The following NRXN1 variants were observed in gnomAD, a reference collection of about 807,000 sequenced individuals.
The protein encoded by NRXN1 is neurexin 1.
NRXN1 carries 39 observed loss-of-function variants against 150.9 expected under a neutral mutation model. That is an observed-to-expected ratio of 0.26 (90% CI 0.20 to 0.34). The LOEUF is 0.34. NRXN1 is among the 10% of genes least tolerant of loss of function. The pLI is 1.00. For missense variants in NRXN1, 1,815 were observed against 1,949.9 expected (o/e 0.93, Z 1.30); for synonymous variants, 924 against 757.0 (o/e 1.22, Z -3.62).
At chr2:50,098,599 C>A (rs988013950) in intron 18 of NRXN1, among the ~76,000 whole-genome samples, 3 of 152,124 alleles carry the variant, frequency 2.0e-5, no homozygotes, top group Non-Finnish European at 4.4e-5. Context: ...TCCCAGCAGA[C>A]CTGAAAGGTA....
chr2:50,849,389 C>T (rs1293026307), intron 5 of NRXN1, among the ~76,000 whole-genome samples: 1 of 152,174 alleles, frequency 6.6e-6, no homozygotes, highest in Non-Finnish European at 1.5e-5. Context: ...TTCTCAAGGT[C>T]CTGGGAGCCA....
intron 18 of NRXN1, among the ~76,000 whole-genome samples, chr2:50,179,205 T>G (rs981740990): frequency 6.6e-6 from 1 of 152,132 alleles, no homozygotes; most frequent in Non-Finnish European, 1.5e-5. Flanking sequence ...CTGCTCCACA[T>G]TTCACTACAT....
intron 18 of NRXN1, among the ~76,000 whole-genome samples, chr2:50,118,888 A>T (rs1300069922): frequency 6.6e-6 from 1 of 152,112 alleles, no homozygotes; most frequent in Non-Finnish European, 1.5e-5. Flanking sequence ...ATTTTGTTGC[A>T]TGTAAGTTAG....
chr2:50,480,663 A>C (rs2090393059), intron 15 of NRXN1, among the ~76,000 whole-genome samples: 1 of 152,172 alleles, frequency 6.6e-6, no homozygotes, highest in Non-Finnish European at 1.5e-5. Context: ...GCCACCACTC[A>C]AAGACTCCTA....
intron 17 of NRXN1, among the ~76,000 whole-genome samples, chr2:50,404,737 A>G (rs74370356): frequency 0.017 from 2,522 of 152,222 alleles, 89 homozygotes; most frequent in African/African-American, 0.058. Flanking sequence ...GTTTCCAATC[A>G]CTAAAGTTGG....
At chr2:50,316,964 C>A (rs138625257) in intron 17 of NRXN1, among the ~76,000 whole-genome samples, 2 of 151,672 alleles carry the variant, frequency 1.3e-5, no homozygotes, top group African/African-American at 4.8e-5. Context: ...AATTACAATT[C>A]GAAAATACCA....
intron 17 of NRXN1, among the ~76,000 whole-genome samples, chr2:50,336,933 A>G (rs574044095): frequency 6.6e-6 from 1 of 152,282 alleles, no homozygotes; most frequent in Admixed American, 6.5e-5. Flanking sequence ...AAATTAGACA[A>G]AGTAAATCCA....
At chr2:50,509,735 C>T (rs2092378696) in intron 12 of NRXN1, among the ~76,000 whole-genome samples, 1 of 152,108 alleles carries the variant, frequency 6.6e-6, no homozygotes, top group Non-Finnish European at 1.5e-5. Flanking sequence ...TCAGGATTTC[C>T]TTTCCTTTGG....
chr2:50,238,175 T>C (rs1394485428), intron 17 of NRXN1, among the ~76,000 whole-genome samples: 1 of 152,058 alleles, frequency 6.6e-6, no homozygotes, highest in Non-Finnish European at 1.5e-5. Flanking sequence ...CTTACCTCAA[T>C]GCATCATTCA....
intron 5 of NRXN1, among the ~76,000 whole-genome samples, chr2:50,662,004 G>A (rs570673755): frequency 1.1e-4 from 17 of 152,098 alleles, no homozygotes; most frequent in African/African-American, 3.9e-4. Flanking sequence ...ACTCCCTACA[G>A]ATTCTGTGAC....
chr2:50,329,677 T>TATA (rs1558537546), intron 17 of NRXN1, among the ~76,000 whole-genome samples: 1 of 33,928 alleles, frequency 2.9e-5, no homozygotes, highest in African/African-American at 2.2e-4. Flanking sequence ...ATATATATTT[T>TATA]TTTTTTTCCC....
chr2:50,518,210 A>T lies in NRXN1; in HGVS notation c.2374+10415T>A, dbSNP rs77639880. Among the ~76,000 whole-genome samples, 374 of 152,226 alleles carry T rather than the reference A, an allele frequency of 2.5e-3. 12 individuals carry two copies. The East Asian group carries it at 0.049, about 20-fold the overall frequency. On this transcript the variant is annotated intron_variant, in intron 12 of 22. Coordinates refer to ENST00000401669, the MANE Select transcript of NRXN1 (RefSeq NM_001330078.2). ...CAAATTAAATAAATATATTTCTAGA[A>T]AAAATGTTCTAAAACTAGCAATCTT...
intron 18 of NRXN1, among the ~76,000 whole-genome samples, chr2:50,096,680 T>C (rs1700267420): frequency 6.6e-6 from 1 of 152,234 alleles, no homozygotes; most frequent in African/African-American, 2.4e-5. Context: ...TATAATTTAA[T>C]GAAGACTTTC....
At chr2:50,149,149 A>C (rs151119365) in intron 18 of NRXN1, among the ~76,000 whole-genome samples, 175 of 151,858 alleles carry the variant, frequency 1.2e-3, no homozygotes, top group African/African-American at 4.0e-3. Flanking sequence ...ATAAAGCATA[A>C]TTTTTAAAGA....
At chr2:50,751,350 T>C (rs1408886442) in intron 5 of NRXN1, among the ~76,000 whole-genome samples, 1 of 152,048 alleles carries the variant, frequency 6.6e-6, no homozygotes, top group Non-Finnish European at 1.5e-5. Flanking sequence ...CAATGTCTAC[T>C]GTATTAAACA....
At chr2:50,882,524 T>G (rs1679603019) in intron 5 of NRXN1, among the ~76,000 whole-genome samples, 1 of 151,860 alleles carries the variant, frequency 6.6e-6, no homozygotes, top group Non-Finnish European at 1.5e-5. Flanking sequence ...CAGGCTTCAG[T>G]GCAGTTTTCT....
intron 17 of NRXN1, among the ~76,000 whole-genome samples, chr2:50,455,420 G>GA (rs2087454471): frequency 6.6e-6 from 1 of 152,216 alleles, no homozygotes; most frequent in African/African-American, 2.4e-5. Context: ...GCACTCTATA[G>GA]ATCAATTTTA....
intron 5 of NRXN1, among the ~76,000 whole-genome samples, chr2:50,674,089 A>C (rs1189426974): frequency 6.6e-6 from 1 of 152,062 alleles, no homozygotes; most frequent in African/African-American, 2.4e-5. Flanking sequence ...CCAGAACTTA[A>C]AGTATAATAA....
At chr2:50,335,926 G>A (rs1412220395) in intron 17 of NRXN1, among the ~76,000 whole-genome samples, 1 of 150,452 alleles carries the variant, frequency 6.6e-6, no homozygotes, top group East Asian at 2.0e-4. Context: ...AAGACCCACT[G>A]TTGGAGAGGG....
Sources: gnomAD v4.1 joint callset for allele counts (sites outside exome capture counted in the v4.1 genomes callset) on GRCh38, gnomAD v4.1.1 for gene constraint, MANE v1.5 for transcripts, NCBI Gene and HGNC (gene_info 2026-07-23, HGNC 2026-07-21) for gene names.